FOCAD: variants seen among roughly 807,000 people sequenced by gnomAD.
The protein encoded by FOCAD is KIAA1797.
In FOCAD, 198 loss-of-function variants were observed where a neutral mutation model predicts 225.6. The ratio of observed to expected loss-of-function variants is 0.88; its 90% confidence interval spans 0.78 to 0.99. FOCAD has a LOEUF of 0.99. Ranked by LOEUF, FOCAD falls within the 50% of genes least tolerant of loss-of-function variation. The probability of loss-of-function intolerance (pLI) is 0.00; values close to 1 mark genes in which losing one functional copy is unlikely to be tolerated. For missense variants in FOCAD, 2,713 were observed against 2,123.6 expected (o/e 1.28, Z -5.46); for synonymous variants, 897 against 755.0 (o/e 1.19, Z -3.08).
At chr9:20,823,179 C>T in intron 15 of FOCAD, 64 bp downstream of exon 15, 1 of 1,499,588 alleles carries the variant, frequency 6.7e-7, no homozygotes. Flanking sequence ...AGAGTGGGTA[C>T]AAGAATGTAA....
chr9:20,812,252 A>G (rs896433983), intron 11 of FOCAD, among the ~76,000 whole-genome samples: 2 of 151,974 alleles, frequency 1.3e-5, no homozygotes, highest in Admixed American at 1.3e-4. Flanking sequence ...AACTTTTTCT[A>G]TTTATACTAA....
At chr9:20,819,965 T>G in intron 12 of FOCAD, 65 bp downstream of exon 12, 1 of 1,013,944 alleles carries the variant, frequency 9.9e-7, no homozygotes, top group Middle Eastern at 2.1e-4. Context: ...TGAATTCTTT[T>G]TGGTATTATG....
intron 15 of FOCAD, among the ~76,000 whole-genome samples, chr9:20,847,504 T>A (rs1827237325): frequency 6.6e-6 from 1 of 151,810 alleles, no homozygotes; most frequent in Non-Finnish European, 1.5e-5. Flanking sequence ...CATGCAGTAT[T>A]GTTTTCCTGG....
At chr9:20,963,507 T>A (rs1027393928) in intron 35 of FOCAD, among the ~76,000 whole-genome samples, 3 of 152,104 alleles carry the variant, frequency 2.0e-5, no homozygotes, top group East Asian at 1.9e-4. Context: ...CTGGAAAAAA[T>A]TTTTTATGTA....
intron 1 of FOCAD, among the ~76,000 whole-genome samples, chr9:20,712,727 A>ATTT (rs749245270): frequency 1.0e-5 from 1 of 99,026 alleles, no homozygotes; most frequent in African/African-American, 4.3e-5. Context: ...TTTCTCCTAT[A>ATTT]TTCTTTTTTT....
In FOCAD at chr9:20,823,001, T is replaced by C. The variant is rs112833661; in HGVS notation, c.1806T>C (p.His602=). 3.3e-4 allele frequency: 522 copies of C among 1,598,460 alleles called. 3 individuals are homozygous for C. The African/African-American group carries it at 6.3e-3, about 19-fold the overall frequency. Residue 602 remains histidine (H), a synonymous_variant, in exon 15 of 44, where the codon CAT becomes CAC. Coordinates refer to ENST00000338382, the MANE Select transcript of FOCAD (RefSeq NM_001375567.1). ...TCATTTCTTGTAGGCCATATCAACA[T>C]GGTGCAGATATGTTGGCAGCTATTT... ...RDICKQRPYQ[H]GADMLAAISQ... is the part of the protein sequence containing the mutation.
At chr9:20,666,815 A>T (rs1821911541) in intron 2 of FOCAD, among the ~76,000 whole-genome samples, 2 of 152,200 alleles carry the variant, frequency 1.3e-5, no homozygotes. Flanking sequence ...TTTAATGTAT[A>T]TGAGTGGGAA....
chr9:20,717,908 G>C (rs1439612627), intron 3 of FOCAD, 40 bp downstream of exon 3: 1 of 1,495,226 alleles, frequency 6.7e-7, no homozygotes, highest in Non-Finnish European at 9.3e-7. Flanking sequence ...CTTCAGATAA[G>C]ATTGCTACTA....
chr9:20,938,116 T>G (rs1836190754), intron 28 of FOCAD, among the ~76,000 whole-genome samples: 2 of 152,158 alleles, frequency 1.3e-5, no homozygotes, highest in Non-Finnish European at 2.9e-5. Flanking sequence ...ATAGGAACAC[T>G]TTTACACTGT....
At chr9:20,784,849 T>C (rs550954233) in intron 10 of FOCAD, among the ~76,000 whole-genome samples, 9 of 152,294 alleles carry the variant, frequency 5.9e-5, no homozygotes, top group Non-Finnish European at 1.0e-4. Context: ...TTATTGAACA[T>C]GTGTGATATG....
At chr9:20,664,250 T>C (rs923523695) in intron 2 of FOCAD, among the ~76,000 whole-genome samples, 16 of 150,626 alleles carry the variant, frequency 1.1e-4, no homozygotes, top group African/African-American at 3.9e-4. Context: ...TTTATATCTA[T>C]TTGTGAGACA....
chr9:20,711,640 G>T (rs1824860478), intron 1 of FOCAD, among the ~76,000 whole-genome samples: 1 of 152,254 alleles, frequency 6.6e-6, no homozygotes, highest in South Asian at 2.1e-4. Context: ...GATTTAGAGA[G>T]TGGTGGTGAA....
At chr9:20,894,607 G>A (rs977524604) in intron 21 of FOCAD, among the ~76,000 whole-genome samples, 2 of 152,080 alleles carry the variant, frequency 1.3e-5, no homozygotes, top group Non-Finnish European at 2.9e-5. Context: ...CCTGATATGT[G>A]AAGCATTTTG....
intron 15 of FOCAD, among the ~76,000 whole-genome samples, chr9:20,824,052 C>T (rs1430490444): frequency 6.6e-6 from 1 of 152,062 alleles, no homozygotes; most frequent in African/African-American, 2.4e-5. Context: ...AGGCAGTGAA[C>T]ATCATTGCTG....
In FOCAD at chr9:20,764,713, G is replaced by T. The variant is rs145106390; in HGVS notation, c.495-156G>T. On this transcript the variant is annotated intron_variant, in intron 6 of 43. Transcript: ENST00000338382. Reference sequence around the variant, plus strand: ...AAAGAACTGTTTGGCATAGATGTAGGCAGGTCATAGCGGAATAGAAGAATC... The same window carrying T: ...AAAGAACTGTTTGGCATAGATGTAGTCAGGTCATAGCGGAATAGAAGAATC... Among the ~76,000 whole-genome samples, 8 of 152,316 alleles carry T rather than the reference G, an allele frequency of 5.3e-5. No individual in the cohort carries two copies. In the East Asian group the frequency reaches 1.5e-3, roughly 29 times the overall value.
At chr9:20,833,330 G>T (rs1174362655) in intron 15 of FOCAD, among the ~76,000 whole-genome samples, 2 of 151,922 alleles carry the variant, frequency 1.3e-5, no homozygotes, top group African/African-American at 4.8e-5. Flanking sequence ...TAATAAGGAT[G>T]TTTGTCCTGG....
chr9:20,793,566 C>G (rs1363842845), intron 11 of FOCAD, among the ~76,000 whole-genome samples: 1 of 152,156 alleles, frequency 6.6e-6, no homozygotes, highest in African/African-American at 2.4e-5. Flanking sequence ...CACTGTGATG[C>G]TTACTAATGT....
intron 6 of FOCAD, among the ~76,000 whole-genome samples, chr9:20,759,959 T>C (rs1299932268): frequency 6.6e-6 from 1 of 152,170 alleles, no homozygotes; most frequent in East Asian, 1.9e-4. Context: ...GTGCAGTTAG[T>C]GTACTTTCAC....
At chr9:20,916,536 A>G (rs1282886793) in intron 23 of FOCAD, among the ~76,000 whole-genome samples, 1 of 152,228 alleles carries the variant, frequency 6.6e-6, no homozygotes, top group Non-Finnish European at 1.5e-5. Flanking sequence ...TCAATTTCAA[A>G]TGTGAATTTG....
Sources: allele counts gnomAD v4.1 joint callset (sites outside exome capture counted in the v4.1 genomes callset), GRCh38; gene constraint gnomAD v4.1.1; transcripts MANE v1.5; gene names NCBI Gene and HGNC (gene_info 2026-07-23, HGNC 2026-07-21).